NPLOC4: variants seen among roughly 807,000 people sequenced by gnomAD.
NPLOC4 encodes nuclear protein localization protein 4 homolog.
NPLOC4 carries 18 observed loss-of-function variants against 80.6 expected under a neutral mutation model. The ratio of observed to expected loss-of-function variants is 0.22; its 90% confidence interval spans 0.15 to 0.33. NPLOC4 has a LOEUF of 0.33. Among genes scored for constraint, NPLOC4 ranks in the 10% least tolerant of loss-of-function variants. The pLI is 1.00. For missense variants in NPLOC4, 540 were observed against 786.1 expected, an observed-to-expected ratio of 0.69 and a Z score of 3.74; for synonymous variants, 313 against 301.5, an observed-to-expected ratio of 1.04 and a Z score of -0.39.
intron 12 of NPLOC4, among the ~76,000 whole-genome samples, chr17:81,585,645 A>G (rs1251630193): frequency 7.3e-6 from 1 of 137,068 alleles, no homozygotes; most frequent in Non-Finnish European, 1.5e-5. Flanking sequence ...TGGGAGACAG[A>G]GGAAGACTCC....
intron 1 of NPLOC4, 83 bp downstream of exon 1, chr17:81,636,833 G>T: frequency 7.7e-7 from 1 of 1,294,892 alleles, no homozygotes; most frequent in Non-Finnish European, 9.8e-7. Context: ...GGCGCCGGCA[G>T]GCCCGCCTCC....
chr17:81,576,651 CGTG>C (rs2034310969), intron 12 of NPLOC4, among the ~76,000 whole-genome samples: 3 of 112,222 alleles, frequency 2.7e-5, no homozygotes, highest in African/African-American at 1.1e-4. Flanking sequence ...GAAAACCTGG[CGTG>C]TGTTTGCAAC....
At chr17:81,610,346 C>G in intron 4 of NPLOC4, 88 bp from the exon 5 acceptor site, 1 of 1,194,720 alleles carries the variant, frequency 8.4e-7, no homozygotes, top group Non-Finnish European at 1.2e-6. Flanking sequence ...CCTACTTTAA[C>G]AGAGTGTTTC....
intron 2 of NPLOC4, among the ~76,000 whole-genome samples, chr17:81,626,092 T>C (rs1399910900): frequency 1.4e-5 from 2 of 142,354 alleles, no homozygotes; most frequent in African/African-American, 2.6e-5. Context: ...GAGGTTGCAG[T>C]GGGCAGAGAT....
In NPLOC4 at chr17:81,629,818, A is replaced by G. The variant is rs2035885376; in HGVS notation, c.16-13T>C. The G allele has an allele frequency of 6.3e-7, 1 of 1,598,586 alleles. No homozygotes were observed. Among genetic ancestry groups the G allele is most frequent in the Non-Finnish European group, 8.6e-7 (1 of 1,166,190 alleles). On this transcript the variant is annotated splice_polypyrimidine_tract_variant and intron_variant, in intron 1 of 16. Transcript: ENST00000331134. Reference sequence around the variant, plus strand: ...GGACACGAATTATCTGTTGCAAACAAAACATGATGGTTACTGCACAGCCTA... The same window carrying G: ...GGACACGAATTATCTGTTGCAAACAGAACATGATGGTTACTGCACAGCCTA...
intron 2 of NPLOC4, among the ~76,000 whole-genome samples, chr17:81,625,710 G>C (rs1053893613): frequency 6.6e-6 from 1 of 151,176 alleles, no homozygotes; most frequent in Non-Finnish European, 1.5e-5. Context: ...CAGCCTGAGC[G>C]ACAGAGTGAG....
At chr17:81,569,146 G>A in intron 13 of NPLOC4, 35 bp from the exon 14 acceptor site, 1 of 1,451,578 alleles carries the variant, frequency 6.9e-7, no homozygotes, top group Non-Finnish European at 9.7e-7. Flanking sequence ...TGATAAATGA[G>A]GCTGAAAATG....
intron 16 of NPLOC4, 70 bp downstream of exon 16, chr17:81,565,435 G>T: frequency 7.9e-7 from 1 of 1,273,490 alleles, no homozygotes; most frequent in Non-Finnish European, 1.1e-6. Flanking sequence ...CGGCAGTGGG[G>T]AGCTGTGCAG....
At chr17:81,628,265 C>A (rs1178474762) in intron 2 of NPLOC4, among the ~76,000 whole-genome samples, 1 of 150,088 alleles carries the variant, frequency 6.7e-6, no homozygotes, top group Non-Finnish European at 1.5e-5. Context: ...CATGGCTGGG[C>A]ACGGTGGCTC....
chr17:81,617,863 G>A (rs1342871250), intron 3 of NPLOC4, among the ~76,000 whole-genome samples: 2 of 152,218 alleles, frequency 1.3e-5, no homozygotes, highest in African/African-American at 2.4e-5. Flanking sequence ...GTTTCGCTGT[G>A]TTGGCCGGGC....
At chr17:81,629,214 A>G (rs1199139425) in intron 2 of NPLOC4, among the ~76,000 whole-genome samples, 3 of 107,742 alleles carry the variant, frequency 2.8e-5, no homozygotes, top group Admixed American at 2.3e-4. Context: ...TTTTTTTGAG[A>G]TGGAGTCTCA....
intron 8 of NPLOC4, among the ~76,000 whole-genome samples, chr17:81,603,385 C>CAGT (rs1319848350): frequency 6.6e-6 from 1 of 151,960 alleles, no homozygotes; most frequent in Non-Finnish European, 1.5e-5. Context: ...CACTTGAGGC[C>CAGT]AGTAGTTCAA....
At chr17:81,609,132 G>A (rs1162881006) in intron 5 of NPLOC4, among the ~76,000 whole-genome samples, 2 of 152,178 alleles carry the variant, frequency 1.3e-5, no homozygotes, top group Non-Finnish European at 2.9e-5. Context: ...CAACTCTTCT[G>A]CCTCTGCCTC....
At chr17:81,633,870 T>TG (rs2035996235) in intron 1 of NPLOC4, among the ~76,000 whole-genome samples, 1 of 121,448 alleles carries the variant, frequency 8.2e-6, no homozygotes, top group Admixed American at 9.4e-5. Flanking sequence ...CGCGCCCAGC[T>TG]AATTTTTTTT....
chr17:81,606,233 C>T (rs1345140001), intron 7 of NPLOC4, among the ~76,000 whole-genome samples: 1 of 152,088 alleles, frequency 6.6e-6, no homozygotes, highest in East Asian at 1.9e-4. Flanking sequence ...AAGGGCACAG[C>T]GGCAGGAGGA....
intron 1 of NPLOC4, among the ~76,000 whole-genome samples, chr17:81,636,648 A>C (rs954868041): frequency 3.3e-5 from 5 of 152,060 alleles, no homozygotes; most frequent in African/African-American, 4.8e-5. Context: ...GCCACAGTCC[A>C]TTCTCCCTGC....
intron 6 of NPLOC4, among the ~76,000 whole-genome samples, chr17:81,607,192 A>T (rs2035223948): frequency 6.6e-6 from 1 of 152,204 alleles, no homozygotes; most frequent in Non-Finnish European, 1.5e-5. Flanking sequence ...AAATTGTCAG[A>T]AACTTTGACA....
In NPLOC4 at chr17:81,593,733, C is replaced by T. The variant is rs2034811904; in HGVS notation, c.1120+2383G>A. 2.6e-5 allele frequency among the ~76,000 whole-genome samples: 4 copies of T among 151,860 alleles called. No homozygotes were observed. The South Asian group carries it at 8.3e-4, about 32-fold the overall frequency. ...ACACTTTTCTCCCCGTCTCTAAATA[C>T]AACGCTGGCCAGGCAGAATTCTAAA... On this transcript the variant is annotated intron_variant, in intron 11 of 16. Transcript: ENST00000331134.
chr17:81,635,235 C>T (rs1389854787), intron 1 of NPLOC4, among the ~76,000 whole-genome samples: 1 of 151,280 alleles, frequency 6.6e-6, no homozygotes, highest in Non-Finnish European at 1.5e-5. Flanking sequence ...CCCAGCTACT[C>T]GGCTGAGGCA....
Sources: gnomAD v4.1 joint callset for allele counts (sites outside exome capture counted in the v4.1 genomes callset) on GRCh38, gnomAD v4.1.1 for gene constraint, MANE v1.5 for transcripts, NCBI Gene and HGNC (gene_info 2026-07-23, HGNC 2026-07-21) for gene names.